LIPC: variants seen among roughly 807,000 people sequenced by gnomAD.
The protein encoded by LIPC is lipase C, hepatic type, also known as hepatic triacylglycerol lipase.
In LIPC, 44 loss-of-function variants were observed where a neutral mutation model predicts 50.7. The observed-to-expected ratio is 0.87, with a 90% CI of 0.68 to 1.11. LIPC has a LOEUF of 1.11. Among genes scored for constraint, LIPC ranks in the 50% most tolerant of loss-of-function variants. The pLI is 0.00. For synonymous variants in LIPC, 271 were observed against 256.4 expected, an observed-to-expected ratio of 1.06 and a Z score of -0.54; for missense variants, 697 against 648.2, an observed-to-expected ratio of 1.08 and a Z score of -0.82.
intron 1 of LIPC, among the ~76,000 whole-genome samples, chr15:58,531,351 T>G (rs985446430): frequency 2.6e-5 from 4 of 152,178 alleles, no homozygotes; most frequent in African/African-American, 9.7e-5. Context: ...TCGGAAGGAC[T>G]TTAGGGAAGC....
intron 1 of LIPC, chr15:58,494,775 G>A (rs1459601877): frequency 1.8e-5 from 8 of 456,090 alleles, no homozygotes; most frequent in Non-Finnish European, 3.5e-5. Context: ...CTTTTTACCT[G>A]AATGCACATA....
chr15:58,457,722 G>A (rs771969818), intron 1 of LIPC, among the ~76,000 whole-genome samples: 9 of 152,220 alleles, frequency 5.9e-5, no homozygotes, highest in Non-Finnish European at 1.0e-4. Context: ...TTTGGTAATC[G>A]AAAGAGCAAG....
At chr15:58,504,728 A>T (rs1175428337) in intron 1 of LIPC, among the ~76,000 whole-genome samples, 1 of 152,258 alleles carries the variant, frequency 6.6e-6, no homozygotes, top group Non-Finnish European at 1.5e-5. Context: ...AAACAAGACA[A>T]GTAAAAGGCC....
intron 1 of LIPC, among the ~76,000 whole-genome samples, chr15:58,499,077 C>A (rs1429768257): frequency 6.6e-6 from 1 of 152,146 alleles, no homozygotes; most frequent in Non-Finnish European, 1.5e-5. Flanking sequence ...AGAGGCCAGG[C>A]TGGGGTGGGA....
intron 1 of LIPC, among the ~76,000 whole-genome samples, chr15:58,439,231 T>C (rs1156562520): frequency 1.3e-5 from 2 of 152,216 alleles, no homozygotes; most frequent in African/African-American, 4.8e-5. Flanking sequence ...AGAAGATGCA[T>C]GAAAATGTTT....
chr15:58,529,941 G>T (rs750053391), intron 1 of LIPC, among the ~76,000 whole-genome samples: 1 of 152,236 alleles, frequency 6.6e-6, no homozygotes, highest in Non-Finnish European at 1.5e-5. Context: ...CCAACACATC[G>T]TAAAAGATAT....
At chr15:58,442,847 G>C (rs1403830827) in intron 1 of LIPC, among the ~76,000 whole-genome samples, 2 of 152,190 alleles carry the variant, frequency 1.3e-5, no homozygotes. Context: ...CCTACTTCTA[G>C]TGGTTCTGGT....
At chr15:58,467,338 T>C (rs35732576) in intron 1 of LIPC, among the ~76,000 whole-genome samples, 17,446 of 152,214 alleles carry the variant, frequency 0.11, 1,224 homozygotes, top group Non-Finnish European at 0.17. Context: ...GCTTGCGGGC[T>C]CCTTGTGTCT....
At chr15:58,454,718 T>G (rs1894045256) in intron 1 of LIPC, 1 of 152,176 alleles carries the variant, frequency 6.6e-6, no homozygotes, top group African/African-American at 2.4e-5. Flanking sequence ...CACAAGACCC[T>G]CCCATGCCCT....
At chr15:58,489,545 G>A (rs1321333952) in intron 1 of LIPC, among the ~76,000 whole-genome samples, 2 of 152,138 alleles carry the variant, frequency 1.3e-5, no homozygotes, top group Non-Finnish European at 2.9e-5. Flanking sequence ...GCCTCTGGGT[G>A]GGGGCCCCAA....
intron 1 of LIPC, among the ~76,000 whole-genome samples, chr15:58,453,153 T>A (rs945014282): frequency 3.3e-5 from 5 of 152,086 alleles, no homozygotes; most frequent in Non-Finnish European, 7.4e-5. Context: ...CCTCATAGTA[T>A]TTCTTCTCCC....
chr15:58,537,119 T>C (rs183037767), intron 1 of LIPC, among the ~76,000 whole-genome samples: 43 of 152,340 alleles, frequency 2.8e-4, no homozygotes, highest in Admixed American at 1.0e-3. Flanking sequence ...GGATGAGAGC[T>C]TCCTCTCCCA....
intron 1 of LIPC, among the ~76,000 whole-genome samples, chr15:58,452,592 A>G (rs957544605): frequency 2.6e-5 from 4 of 152,192 alleles, no homozygotes; most frequent in Admixed American, 2.6e-4. Context: ...TAAAGCCTCA[A>G]TCTCACATCT....
chr15:58,495,016 C>T, intron 1 of LIPC: 1 of 390,284 alleles, frequency 2.6e-6, no homozygotes, highest in East Asian at 7.2e-5. Flanking sequence ...TCCCCTGCCC[C>T]CTTACCCTGC....
chr15:58,496,753 A>AAAAAAAAAAAAAAAAAG, intron 1 of LIPC, among the ~76,000 whole-genome samples: 1 of 151,188 alleles, frequency 6.6e-6, no homozygotes, highest in African/African-American at 2.4e-5. Flanking sequence ...CAAAAAAAAA[A>AAAAAAAAAAAAAAAAAG]AAAAAAATTA....
intron 1 of LIPC, among the ~76,000 whole-genome samples, chr15:58,500,683 G>A (rs1005518832): frequency 6.6e-6 from 1 of 152,104 alleles, no homozygotes. Context: ...TCCACGTGTA[G>A]CCCTGTTAAA....
chr15:58,485,765 C>T (rs1033417537), intron 1 of LIPC, among the ~76,000 whole-genome samples: 3 of 152,256 alleles, frequency 2.0e-5, no homozygotes, highest in Admixed American at 6.5e-5. Context: ...GACATCCCAG[C>T]GCTGCCTTCC....
intron 1 of LIPC, among the ~76,000 whole-genome samples, chr15:58,520,373 G>A (rs1413025687): frequency 6.6e-6 from 1 of 152,116 alleles, no homozygotes; most frequent in Admixed American, 6.6e-5. Flanking sequence ...TGGGATGCTA[G>A]AGCACAACGT....
At chr15:58,557,184 T>C (rs1325721561) in intron 6 of LIPC, among the ~76,000 whole-genome samples, 1 of 152,168 alleles carries the variant, frequency 6.6e-6, no homozygotes, top group Non-Finnish European at 1.5e-5. Context: ...GCCCCAGCCA[T>C]ATACGACTTA....
Sources: allele counts gnomAD v4.1 joint callset (sites outside exome capture counted in the v4.1 genomes callset), GRCh38; gene constraint gnomAD v4.1.1; transcripts MANE v1.5; gene names NCBI Gene and HGNC (gene_info 2026-07-23, HGNC 2026-07-21).